The following CFAP61 variants were observed in gnomAD, a reference collection of about 807,000 sequenced individuals.
CFAP61 encodes the protein cilia and flagella associated protein 61.
A neutral mutation model predicts 135.6 loss-of-function variants in CFAP61; 107 were observed. That is an observed-to-expected ratio of 0.79 (90% CI 0.67 to 0.93). CFAP61 has a LOEUF of 0.93. Ranked by LOEUF, CFAP61 falls within the 40% of genes least tolerant of loss-of-function variation. The probability of loss-of-function intolerance (pLI) is 0.00; values close to 1 mark genes in which losing one functional copy is unlikely to be tolerated. For synonymous variants in CFAP61, 575 were observed against 578.5 expected (o/e 0.99, Z 0.09); for missense variants, 1,507 against 1,556.2 (o/e 0.97, Z 0.53).
At chr20:20,095,994 T>A (rs1221374235) in intron 7 of CFAP61, among the ~76,000 whole-genome samples, 1 of 152,190 alleles carries the variant, frequency 6.6e-6, no homozygotes, top group Non-Finnish European at 1.5e-5. Flanking sequence ...ATGATGTAGA[T>A]ATTTACAGGA....
intron 26 of CFAP61, among the ~76,000 whole-genome samples, chr20:20,345,915 G>T (rs2122401212): frequency 4.5e-5 from 2 of 44,764 alleles, no homozygotes; most frequent in Admixed American, 3.6e-4. Flanking sequence ...TTTTTTTTGA[G>T]ACGGAGTCTC....
intron 3 of CFAP61, chr20:20,073,963 C>CCT: frequency 3.9e-6 from 1 of 254,742 alleles, no homozygotes; most frequent in South Asian, 6.8e-5. Flanking sequence ...CATAGACACC[C>CCT]CTGAGGACAA....
chr20:20,326,364 G>T (rs150796341), intron 25 of CFAP61, among the ~76,000 whole-genome samples: 1 of 152,050 alleles, frequency 6.6e-6, no homozygotes, highest in Non-Finnish European at 1.5e-5. Flanking sequence ...TAACAAAGAA[G>T]AATAACAAAA....
chr20:20,245,151 C>T (rs778729288), intron 18 of CFAP61, among the ~76,000 whole-genome samples: 10 of 152,354 alleles, frequency 6.6e-5, no homozygotes, highest in Non-Finnish European at 1.5e-4. Flanking sequence ...CCAAACTGTT[C>T]CAACCTCTGC....
chr20:20,241,212 G>T (rs1346185982), intron 18 of CFAP61, among the ~76,000 whole-genome samples: 1 of 152,076 alleles, frequency 6.6e-6, no homozygotes, highest in Non-Finnish European at 1.5e-5. Flanking sequence ...AAAAATGCCT[G>T]GTGACCAGTC....
intron 25 of CFAP61, among the ~76,000 whole-genome samples, chr20:20,300,930 G>A (rs918032245): frequency 6.6e-6 from 1 of 152,028 alleles, no homozygotes; most frequent in Non-Finnish European, 1.5e-5. Flanking sequence ...TAAGCTAAAT[G>A]TTATTATTAC....
At chr20:20,053,748 T>G (rs990037345) in intron 1 of CFAP61, among the ~76,000 whole-genome samples, 1 of 152,164 alleles carries the variant, frequency 6.6e-6, no homozygotes, top group Admixed American at 6.5e-5. Flanking sequence ...TTTTCAAAAT[T>G]TAAATAGAGA....
At chr20:20,141,936 G>A (rs1278065923) in intron 8 of CFAP61, among the ~76,000 whole-genome samples, 1 of 152,164 alleles carries the variant, frequency 6.6e-6, no homozygotes, top group Non-Finnish European at 1.5e-5. Context: ...CTTCTGAGGA[G>A]GGGCAGCCAT....
chr20:20,293,346 C>A (rs564827532), intron 24 of CFAP61, among the ~76,000 whole-genome samples: 3 of 152,262 alleles, frequency 2.0e-5, no homozygotes, highest in East Asian at 1.9e-4. Context: ...TGAACAGGAC[C>A]CCTGACTTTA....
intron 19 of CFAP61, among the ~76,000 whole-genome samples, chr20:20,249,895 A>C (rs1254351378): frequency 1.3e-5 from 2 of 152,200 alleles, no homozygotes; most frequent in Non-Finnish European, 2.9e-5. Context: ...ACAATCTTTC[A>C]TGGGTCTCTC....
chr20:20,055,295 C>T (rs745639281), intron 1 of CFAP61, among the ~76,000 whole-genome samples: 2 of 152,166 alleles, frequency 1.3e-5, no homozygotes, highest in Non-Finnish European at 2.9e-5. Context: ...ATTGTGTGGA[C>T]TAGAATGCCA....
At chr20:20,279,587 C>T (rs1029435995) in intron 22 of CFAP61, among the ~76,000 whole-genome samples, 5 of 152,050 alleles carry the variant, frequency 3.3e-5, no homozygotes, top group South Asian at 2.1e-4. Flanking sequence ...GTGGGTCTTG[C>T]TGTCTCAGGG....
At chr20:20,223,803 T>C (rs73283163) in intron 17 of CFAP61, among the ~76,000 whole-genome samples, 268 of 152,326 alleles carry the variant, frequency 1.8e-3, no homozygotes, top group African/African-American at 6.3e-3. Context: ...TTGACAAATG[T>C]ATCTGAATCA....
Position 20,227,794 on chromosome 20 carries a change from A to G in CFAP61, c.1933-455A>G, listed in dbSNP as rs528430330. 1.5e-4 allele frequency among the ~76,000 whole-genome samples: 23 copies of G among 152,356 alleles called. No homozygotes were observed. In the East Asian group the frequency reaches 4.0e-3, roughly 27 times the overall value. On this transcript the variant is annotated intron_variant, in intron 17 of 26. Coordinates refer to ENST00000245957, the MANE Select transcript of CFAP61 (RefSeq NM_015585.4). Reference sequence around the variant, plus strand: ...TAACGTGAGGGACAGAGAATTGAACATGAGCTAAAACTTGTCTTCAAGTAC... The same window carrying G: ...TAACGTGAGGGACAGAGAATTGAACGTGAGCTAAAACTTGTCTTCAAGTAC...
intron 9 of CFAP61, 84 bp downstream of exon 9, chr20:20,143,032 G>A: frequency 1.3e-6 from 1 of 793,942 alleles, no homozygotes; most frequent in South Asian, 1.7e-5. Flanking sequence ...TCTGGTGCTG[G>A]CGTCACTACG....
At chr20:20,147,615 G>A (rs1193052508) in intron 9 of CFAP61, among the ~76,000 whole-genome samples, 1 of 152,082 alleles carries the variant, frequency 6.6e-6, no homozygotes. Context: ...TGATCTGTTC[G>A]AATTCCTTGT....
At chr20:20,176,676 C>T (rs1053961494) in intron 13 of CFAP61, among the ~76,000 whole-genome samples, 7 of 151,872 alleles carry the variant, frequency 4.6e-5, no homozygotes, top group South Asian at 2.1e-4. Flanking sequence ...TGAACACATG[C>T]GGGGGCCGGG....
intron 26 of CFAP61, among the ~76,000 whole-genome samples, chr20:20,347,336 C>T (rs2058669237): frequency 6.6e-6 from 1 of 151,778 alleles, no homozygotes; most frequent in Admixed American, 6.6e-5. Flanking sequence ...AAAAAGAAAA[C>T]CAAAGTAAGC....
intron 8 of CFAP61, among the ~76,000 whole-genome samples, chr20:20,141,517 C>T (rs1032886687): frequency 6.6e-6 from 1 of 152,188 alleles, no homozygotes; most frequent in Non-Finnish European, 1.5e-5. Context: ...AGGACATTTT[C>T]TCTTCATGCC....
Sources: allele counts gnomAD v4.1 joint callset (sites outside exome capture counted in the v4.1 genomes callset), GRCh38; gene constraint gnomAD v4.1.1; transcripts MANE v1.5; gene names NCBI Gene and HGNC (gene_info 2026-07-23, HGNC 2026-07-21).